The following FAP variants were observed in gnomAD, a reference collection of about 807,000 sequenced individuals.
FAP encodes the protein prolyl endopeptidase FAP.
In FAP, 110 loss-of-function variants were observed where a neutral mutation model predicts 126.5. That is an observed-to-expected ratio of 0.87 (90% CI 0.74 to 1.02). FAP has a LOEUF of 1.02. FAP is among the 50% of genes least tolerant of loss of function. FAP has a pLI of 0.00. For synonymous variants in FAP, 334 were observed against 297.3 expected (o/e 1.12, Z -1.27); for missense variants, 919 against 909.2 (o/e 1.01, Z -0.14).
At chr2:162,234,014 T>C (rs1321577513) in intron 2 of FAP, among the ~76,000 whole-genome samples, 1 of 152,208 alleles carries the variant, frequency 6.6e-6, no homozygotes, top group African/African-American at 2.4e-5. Context: ...ATCAATTAAC[T>C]AAGTAAAAGA....
chr2:162,202,855 C>A lies in FAP; in HGVS notation c.1223+17G>T. 1 of 1,602,254 alleles carries A rather than the reference C, an allele frequency of 6.2e-7. No homozygotes were observed. The highest frequency in any genetic ancestry group is 8.6e-7 in the Non-Finnish European group (1 of 1,169,368). On this transcript the variant is annotated intron_variant, in intron 14 of 25. Transcript: ENST00000188790. ...ATTAAAACCTGAATGGTGCATCGTG[C>A]TTCGTGCAATACTTACAGTGAATCC... is the stretch of plus-strand genomic sequence containing the variant.
At chr2:162,172,096 A>G (rs1307399792) in intron 25 of FAP, 7 of 152,058 alleles carry the variant, frequency 4.6e-5, no homozygotes, top group Admixed American at 2.6e-4. Flanking sequence ...TTTTTTAAAA[A>G]CAAATGTTGA....
chr2:162,171,466 T>C (rs1377445063), intron 25 of FAP: 2 of 169,378 alleles, frequency 1.2e-5, no homozygotes, highest in Non-Finnish European at 2.6e-5. Flanking sequence ...AGATTCCTTG[T>C]AGCTCAAAAA....
intron 11 of FAP, among the ~76,000 whole-genome samples, chr2:162,210,666 C>T (rs951169157): frequency 1.3e-5 from 2 of 152,114 alleles, no homozygotes; most frequent in African/African-American, 2.4e-5. Context: ...TCAATTTCTC[C>T]TGTTTGGTAA....
At chr2:162,191,554 C>A (rs1688042190) in intron 17 of FAP, among the ~76,000 whole-genome samples, 1 of 152,138 alleles carries the variant, frequency 6.6e-6, no homozygotes, top group Non-Finnish European at 1.5e-5. Context: ...CACCTAGTAT[C>A]TGGCATGTAG....
chr2:162,172,768 G>T (rs1687356979), intron 25 of FAP, 43 bp downstream of exon 25: 2 of 1,313,888 alleles, frequency 1.5e-6, no homozygotes, highest in Admixed American at 1.7e-5. Flanking sequence ...CTTTTAGCTT[G>T]AGGGTCTAAG....
At chr2:162,203,650 G>C (rs957025998) in intron 12 of FAP, among the ~76,000 whole-genome samples, 1 of 152,134 alleles carries the variant, frequency 6.6e-6, no homozygotes. Context: ...GTGAGGAGGG[G>C]CTTCTGGACT....
chr2:162,171,534 T>G (rs1687303292), intron 25 of FAP: 1 of 165,654 alleles, frequency 6.0e-6, no homozygotes, highest in Non-Finnish European at 1.3e-5. Flanking sequence ...AAATCCACAA[T>G]ATAATGTATT....
intron 14 of FAP, among the ~76,000 whole-genome samples, chr2:162,202,075 T>G (rs924906934): frequency 3.3e-5 from 5 of 152,248 alleles, no homozygotes. Context: ...CCTCATCTTT[T>G]TGCTCCTAGA....
intron 12 of FAP, among the ~76,000 whole-genome samples, chr2:162,204,630 G>C (rs185756884): frequency 6.6e-6 from 1 of 152,268 alleles, no homozygotes; most frequent in Admixed American, 6.5e-5. Context: ...GGAAGAGACA[G>C]GGAGGATTCT....
intron 2 of FAP, among the ~76,000 whole-genome samples, chr2:162,235,248 C>T (rs1690077435): frequency 6.6e-6 from 1 of 152,246 alleles, no homozygotes; most frequent in East Asian, 1.9e-4. Context: ...AGCACTTCCC[C>T]CTGCTCCACA....
chr2:162,224,531 TCA>T lies in FAP; in HGVS notation c.293_294del (p.Val98GlufsTer10), dbSNP rs1414175854. ...TILSNRTMKSVNASNYGLSPD... is the reference protein window; with the variant it reads ...TILSNRTMKSXNASNYGLSPD... Reference sequence around the variant, plus strand: ...GGTGATAAGCCGTAATTTGAAGCATTCACACTTTTCTGAAATTATGAAGAGGT... The same window carrying T: ...GGTGATAAGCCGTAATTTGAAGCATTCACTTTTCTGAAATTATGAAGAGGT... On this transcript the variant is annotated frameshift_variant, in exon 5 of 26. Transcript: ENST00000188790. LOFTEE classifies it high-confidence loss of function. 6.3e-7 allele frequency: 1 copy of T among 1,589,440 alleles called. No homozygotes were observed. The highest frequency in any genetic ancestry group is 8.6e-7 in the Non-Finnish European group (1 of 1,168,960).
At chr2:162,192,053 T>C (rs948152696) in intron 17 of FAP, among the ~76,000 whole-genome samples, 1 of 152,144 alleles carries the variant, frequency 6.6e-6, no homozygotes, top group African/African-American at 2.4e-5. Flanking sequence ...TTTTTTCTGC[T>C]GATTTCCTCT....
chr2:162,204,716 G>T (rs1295206388), intron 12 of FAP, among the ~76,000 whole-genome samples: 3 of 152,152 alleles, frequency 2.0e-5, no homozygotes, highest in Non-Finnish European at 4.4e-5. Flanking sequence ...AATGGCGAGA[G>T]AATAAATTTC....
At chr2:162,226,788 C>A (rs1033221802) in intron 2 of FAP, among the ~76,000 whole-genome samples, 167 bp from the exon 3 acceptor site, 5 of 152,114 alleles carry the variant, frequency 3.3e-5, no homozygotes, top group African/African-American at 9.7e-5. Context: ...ATAGTAGTAT[C>A]TCCTTTTTTG....
intron 6 of FAP, among the ~76,000 whole-genome samples, chr2:162,222,496 T>G (rs1011705660): frequency 5.9e-5 from 9 of 152,216 alleles, no homozygotes; most frequent in Admixed American, 3.9e-4. Flanking sequence ...AGATAGATAA[T>G]TTTTTAAAAA....
chr2:162,200,631 T>A lies in FAP; in HGVS notation c.1224-12A>T. 2 of 1,257,908 alleles carry A rather than the reference T, an allele frequency of 1.6e-6. No homozygotes were observed. Among genetic ancestry groups the A allele is most frequent in the South Asian group, 1.3e-5 (1 of 75,590 alleles). The allele number at this position is 1,257,908 out of a possible 1,614,324, so 77.9% of individuals were successfully genotyped here. ...TGCTAGAATAAAACCTGAAAATATA[T>A]TCAGAAATTATTAAGTATTGATAAA... On this transcript the variant is annotated splice_polypyrimidine_tract_variant and intron_variant, in intron 14 of 25. Coordinates refer to ENST00000188790, the MANE Select transcript of FAP (RefSeq NM_004460.5).
chr2:162,235,230 C>T (rs1690076012), intron 2 of FAP, among the ~76,000 whole-genome samples: 1 of 151,824 alleles, frequency 6.6e-6, no homozygotes, highest in South Asian at 2.1e-4. Flanking sequence ...GCCTGAGCCT[C>T]CCCAACAAGC....
intron 2 of FAP, among the ~76,000 whole-genome samples, chr2:162,228,186 G>T (rs1245479809): frequency 6.6e-6 from 1 of 152,122 alleles, no homozygotes; most frequent in Non-Finnish European, 1.5e-5. Flanking sequence ...CTGGATGGCT[G>T]GTTGGGTGGC....
Sources: gnomAD v4.1 joint callset for allele counts (sites outside exome capture counted in the v4.1 genomes callset) on GRCh38, gnomAD v4.1.1 for gene constraint, MANE v1.5 for transcripts, NCBI Gene and HGNC (gene_info 2026-07-23, HGNC 2026-07-21) for gene names.